TP53BP1: variants seen among roughly 807,000 people sequenced by gnomAD.
The protein encoded by TP53BP1 is TP53-binding protein 1.
A neutral mutation model predicts 200.8 loss-of-function variants in TP53BP1; 61 were observed. The observed-to-expected ratio is 0.30, with a 90% confidence interval of 0.25 to 0.38. TP53BP1 has a LOEUF of 0.38. TP53BP1 is among the 10% of genes least tolerant of loss of function. The probability of loss-of-function intolerance (pLI) is 1.00; values close to 1 mark genes in which losing one functional copy is unlikely to be tolerated. For missense variants in TP53BP1, 2,144 were observed against 2,371.9 expected, an observed-to-expected ratio of 0.90 and a Z score of 2.00; for synonymous variants, 822 against 844.3, an observed-to-expected ratio of 0.97 and a Z score of 0.46.
At chr15:43,452,261 C>A (rs1267874342) in intron 12 of TP53BP1, among the ~76,000 whole-genome samples, 1 of 152,062 alleles carries the variant, frequency 6.6e-6, no homozygotes, top group Non-Finnish European at 1.5e-5. Flanking sequence ...ATACAATTTT[C>A]TAAGTTAAAA....
intron 1 of TP53BP1, among the ~76,000 whole-genome samples, chr15:43,508,719 A>T (rs562601477): frequency 7.2e-5 from 11 of 152,366 alleles, no homozygotes; most frequent in African/African-American, 2.4e-4. Flanking sequence ...CCAAGGAAAG[A>T]GGAGGATAAT....
chr15:43,430,550 G>A (rs756759401), intron 17 of TP53BP1, among the ~76,000 whole-genome samples: 1 of 152,144 alleles, frequency 6.6e-6, no homozygotes, highest in Non-Finnish European at 1.5e-5. Flanking sequence ...ATCAAAATGA[G>A]AGGTATATCA....
intron 3 of TP53BP1, 109 bp from the exon 4 acceptor site, chr15:43,491,862 C>A (rs1198938210): frequency 9.0e-7 from 1 of 1,111,754 alleles, no homozygotes; most frequent in African/African-American, 1.5e-5. Context: ...AGCACATCAA[C>A]TTTTGAGTGA....
chr15:43,496,248 C>T (rs1184218540), upstream of TP53BP1, among the ~76,000 whole-genome samples: 1 of 152,154 alleles, frequency 6.6e-6, no homozygotes, highest in South Asian at 2.1e-4. Flanking sequence ...TAACCTAAAT[C>T]CTTTATTATA....
chr15:43,415,514 A>G, intron 23 of TP53BP1, 80 bp downstream of exon 23: 1 of 1,485,820 alleles, frequency 6.7e-7, no homozygotes. Context: ...ACTGCCACAT[A>G]TTAAGCTCCA....
At chr15:43,476,396 G>A (rs1224511345) in intron 8 of TP53BP1, among the ~76,000 whole-genome samples, 1 of 152,220 alleles carries the variant, frequency 6.6e-6, no homozygotes, top group Non-Finnish European at 1.5e-5. Flanking sequence ...CTTAGGTGAA[G>A]TCAAGCTCAT....
At chr15:43,425,661 T>A (rs2045511490) in intron 18 of TP53BP1, among the ~76,000 whole-genome samples, 1 of 151,900 alleles carries the variant, frequency 6.6e-6, no homozygotes, top group African/African-American at 2.4e-5. Flanking sequence ...AATGAAGTAA[T>A]GTGTTTAACA....
chr15:43,479,403 G>C lies in TP53BP1; in HGVS notation c.782C>G (p.Pro261Arg). ...VHVVKEQNPPPARSEDMPFSP... is the reference protein window; with the variant it reads ...VHVVKEQNPPRARSEDMPFSP... ...TTTAGAAAGTTCGGCTTACCTTGCA[G>C]GTGGTGGATTTTGCTCTTTTACAAC... is the stretch of plus-strand genomic sequence containing the variant. The change falls in exon 7 of 28, where the codon CCT becomes CGT. Residue 261 changes from proline (P) to arginine (R), a missense_variant. Around this residue, in one of 4 missense-constraint regions of TP53BP1, gnomAD observed 1,700 missense variants for 1,710.3 expected, o/e 0.99. Transcript: ENST00000382044. 6.2e-7 allele frequency: 1 copy of C among 1,603,272 alleles called. No individual in the cohort carries two copies. Among genetic ancestry groups the C allele is most frequent in the Non-Finnish European group, 8.5e-7 (1 of 1,175,598 alleles).
intron 4 of TP53BP1, among the ~76,000 whole-genome samples, chr15:43,487,913 A>C (rs1262966777): frequency 6.6e-6 from 1 of 152,216 alleles, no homozygotes; most frequent in African/African-American, 2.4e-5. Flanking sequence ...ACTGTGGTAC[A>C]TCCACGGCAT....
intron 15 of TP53BP1, chr15:43,441,258 A>G (rs1036598856): frequency 3.1e-6 from 1 of 322,022 alleles, no homozygotes; most frequent in South Asian, 6.4e-5. Flanking sequence ...TGTATCAGCA[A>G]CAGAAAAAAG....
chr15:43,425,449 C>A (rs1009154999), intron 18 of TP53BP1, among the ~76,000 whole-genome samples: 1 of 152,124 alleles, frequency 6.6e-6, no homozygotes, highest in Non-Finnish European at 1.5e-5. Flanking sequence ...CAGTGAAACC[C>A]CATCTCTACA....
rs745378899 is a variant in TP53BP1 at position 43,469,970 on chromosome 15, G to C, written c.1277C>G (p.Pro426Arg). ...TGATACAGTGGACTCAGGCAGGAGA[G>C]GGGGGTTTTCTAACTCCACTGGTTC... ...SGEPVELENP[P>R]LLPESTVSPQ... is the part of the protein sequence containing the mutation. Residue 426 changes from proline (P) to arginine (R), a missense_variant, in exon 11 of 28, where the codon CCT (proline) becomes CGT (arginine). By Grantham distance (103) the Pro-to-Arg change is moderately radical (BLOSUM62 -2). Around this residue, in one of 4 missense-constraint regions of TP53BP1, gnomAD observed 1,700 missense variants for 1,710.3 expected, o/e 0.99. Transcript: ENST00000382044. 3.7e-6 allele frequency: 6 copies of C among 1,613,756 alleles called. No individual in the cohort carries two copies. In the African/African-American group the frequency reaches 5.3e-5, roughly 14 times the overall value.
intron 11 of TP53BP1, among the ~76,000 whole-genome samples, chr15:43,466,762 T>C (rs2046589943): frequency 6.6e-6 from 1 of 152,048 alleles, no homozygotes; most frequent in Admixed American, 6.6e-5. Context: ...GAGGCCGAGG[T>C]GGGAGGATGG....
chr15:43,453,193 CAAAAA>C (rs34555611), intron 12 of TP53BP1, among the ~76,000 whole-genome samples: 8 of 41,428 alleles, frequency 1.9e-4, no homozygotes, highest in Admixed American at 6.1e-4. Context: ...GACTCCGTCT[CAAAAA>C]AAAAAAAAAA....
intron 4 of TP53BP1, among the ~76,000 whole-genome samples, chr15:43,485,568 C>A (rs1027353370): frequency 2.7e-3 from 2 of 752 alleles, no homozygotes; most frequent in Non-Finnish European, 0.014. Flanking sequence ...CAGAGCGAGA[C>A]GCCGTCTCAA....
In TP53BP1 at chr15:43,405,346, G is replaced by C; in HGVS notation, c.*2037C>G. 7 of 1,032,650 alleles carry C rather than the reference G, an allele frequency of 6.8e-6. No homozygotes were observed. The highest frequency in any genetic ancestry group is 1.0e-5 in the Non-Finnish European group (7 of 683,240). The allele number at this position is 1,032,650 out of a possible 1,614,324, so 64.0% of individuals were successfully genotyped here. ...TGATAGGACTCTACCTTTTCTCCTA[G>C]AAGCAGTTACTGAACATCCAGGAGT... On this transcript the variant is annotated 3_prime_UTR_variant, in exon 28 of 28. Transcript: ENST00000382044.
At chr15:43,462,952 G>A (rs181655963) in intron 11 of TP53BP1, among the ~76,000 whole-genome samples, 2 of 152,220 alleles carry the variant, frequency 1.3e-5, no homozygotes, top group Admixed American at 1.3e-4. Context: ...AGTTACTTGG[G>A]GTGCTGAGGC....
chr15:43,462,835 T>TTCC (rs2046472649), intron 11 of TP53BP1, among the ~76,000 whole-genome samples: 1 of 152,028 alleles, frequency 6.6e-6, no homozygotes, highest in Non-Finnish European at 1.5e-5. Flanking sequence ...GGCAGGCAGA[T>TTCC]CACTTAAGGT....
In TP53BP1 at chr15:43,469,686, G is replaced by A. The variant is rs560965439; in HGVS notation, c.1389+172C>T. ...AAAATCAAGATGTTAGGTGACTTTG[G>A]AACTGTTCTAAAACTGCTTTGTGAC... On this transcript the variant is annotated intron_variant, in intron 11 of 27. Coordinates refer to ENST00000382044, the MANE Select transcript of TP53BP1 (RefSeq NM_001141980.3). 7.9e-5 allele frequency among the ~76,000 whole-genome samples: 12 copies of A among 152,222 alleles called. No individual in the cohort carries two copies. In the East Asian group the frequency reaches 2.3e-3, roughly 29 times the overall value.
Sources: allele counts gnomAD v4.1 joint callset (sites outside exome capture counted in the v4.1 genomes callset), GRCh38; gene constraint gnomAD v4.1.1; regional missense constraint gnomAD v4.1.1; transcripts MANE v1.5; gene names NCBI Gene and HGNC (gene_info 2026-07-23, HGNC 2026-07-21).